The following ARHGAP15 variants were observed in gnomAD, a reference collection of about 807,000 sequenced individuals.
ARHGAP15 encodes the protein rho GTPase-activating protein 15.
Under a neutral mutation model 63.7 loss-of-function variants are expected in ARHGAP15, and 51 were observed. That is an observed-to-expected ratio of 0.80 (90% CI 0.64 to 1.01). The LOEUF is 1.01. Among genes scored for constraint, ARHGAP15 ranks in the 50% least tolerant of loss-of-function variants. ARHGAP15 has a pLI of 0.00. For synonymous variants in ARHGAP15, 191 were observed against 193.8 expected, an observed-to-expected ratio of 0.99 and a Z score of 0.12; for missense variants, 560 against 564.6, an observed-to-expected ratio of 0.99 and a Z score of 0.08.
intron 6 of ARHGAP15, among the ~76,000 whole-genome samples, chr2:143,377,633 T>A (rs1373240611): frequency 2.0e-5 from 3 of 152,010 alleles, no homozygotes; most frequent in Admixed American, 6.6e-5. Context: ...TTAATTTCTA[T>A]GAAGTTTATA....
intron 2 of ARHGAP15, among the ~76,000 whole-genome samples, chr2:143,199,969 A>G (rs1558809329): frequency 6.6e-6 from 1 of 152,134 alleles, no homozygotes; most frequent in African/African-American, 2.4e-5. Context: ...CACTTTCCCT[A>G]CCACGTCCAA....
intron 6 of ARHGAP15, among the ~76,000 whole-genome samples, chr2:143,277,572 C>A (rs916541228): frequency 6.6e-6 from 1 of 151,782 alleles, no homozygotes; most frequent in Non-Finnish European, 1.5e-5. Context: ...GACTGTACTG[C>A]CCTGCTTTGT....
chr2:143,546,012 C>T lies in ARHGAP15; in HGVS notation c.926-10396C>T, dbSNP rs77710756. 7.4e-3 allele frequency among the ~76,000 whole-genome samples: 1,120 copies of T among 152,282 alleles called. 15 individuals are homozygous for T. The highest frequency in any genetic ancestry group is 0.025 in the African/African-American group (1,043 of 41,564). ...CTGAAAGGCTAGAACAGCTTTGTTTCTGATCCCTTGATGAGTGAGAGAAAT... is the reference window on the plus strand; with the variant it reads ...CTGAAAGGCTAGAACAGCTTTGTTTTTGATCCCTTGATGAGTGAGAGAAAT... On this transcript the variant is annotated intron_variant, in intron 10 of 13. Transcript: ENST00000295095.
At chr2:143,513,883 C>T (rs34812477) in intron 9 of ARHGAP15, among the ~76,000 whole-genome samples, 71,850 of 151,908 alleles carry the variant, frequency 0.47, 17,356 homozygotes, top group East Asian at 0.78. Context: ...CCTCCCTCCC[C>T]CAAGAGCCTA....
intron 11 of ARHGAP15, among the ~76,000 whole-genome samples, chr2:143,610,307 T>C (rs1445666392): frequency 6.6e-6 from 1 of 152,194 alleles, no homozygotes; most frequent in African/African-American, 2.4e-5. Context: ...GCTCTACCAC[T>C]TAAAAATAGC....
chr2:143,230,145 G>A (rs1472499443), intron 5 of ARHGAP15, among the ~76,000 whole-genome samples: 1 of 152,160 alleles, frequency 6.6e-6, no homozygotes, highest in Admixed American at 6.5e-5. Flanking sequence ...GGGAAGTCAG[G>A]AGGGGAGGAA....
chr2:143,719,959 T>TA (rs1242382187), intron 13 of ARHGAP15, among the ~76,000 whole-genome samples: 2 of 152,318 alleles, frequency 1.3e-5, no homozygotes, highest in East Asian at 3.9e-4. Context: ...TTCCCACACA[T>TA]ACACCCTATA....
chr2:143,639,186 A>G (rs904328818), intron 12 of ARHGAP15, among the ~76,000 whole-genome samples: 49 of 152,276 alleles, frequency 3.2e-4, no homozygotes, highest in African/African-American at 1.1e-3. Context: ...TAGTTCAGAT[A>G]AAGACTTTAT....
At chr2:143,379,815 G>A (rs948696039) in intron 6 of ARHGAP15, among the ~76,000 whole-genome samples, 1 of 151,412 alleles carries the variant, frequency 6.6e-6, no homozygotes, top group African/African-American at 2.4e-5. Flanking sequence ...CAAAGAAAAA[G>A]TAAAGGAAAC....
intron 11 of ARHGAP15, among the ~76,000 whole-genome samples, chr2:143,612,662 C>T (rs913717263): frequency 6.6e-6 from 1 of 152,180 alleles, no homozygotes; most frequent in African/African-American, 2.4e-5. Flanking sequence ...ACAGGGCAGA[C>T]CTGGGCAAAG....
intron 6 of ARHGAP15, among the ~76,000 whole-genome samples, chr2:143,403,046 G>A (rs531441309): frequency 1.3e-5 from 2 of 151,774 alleles, no homozygotes; most frequent in Non-Finnish European, 2.9e-5. Flanking sequence ...TTAGTAAAAT[G>A]CTAAGCTATA....
intron 11 of ARHGAP15, among the ~76,000 whole-genome samples, chr2:143,563,201 A>G (rs1296853614): frequency 1.3e-5 from 2 of 152,224 alleles, no homozygotes; most frequent in Non-Finnish European, 2.9e-5. Flanking sequence ...AAATGTGAGG[A>G]CTTTAAAAAG....
At chr2:143,708,992 C>T (rs1311158672) in intron 13 of ARHGAP15, among the ~76,000 whole-genome samples, 1 of 152,154 alleles carries the variant, frequency 6.6e-6, no homozygotes, top group East Asian at 1.9e-4. Flanking sequence ...TACATATTCA[C>T]CTGGAATCTT....
At chr2:143,537,353 C>A (rs1193394754) in intron 10 of ARHGAP15, among the ~76,000 whole-genome samples, 5 of 152,032 alleles carry the variant, frequency 3.3e-5, no homozygotes, top group Non-Finnish European at 5.9e-5. Flanking sequence ...ATGGTGGTTT[C>A]TTTTGCTGTG....
intron 6 of ARHGAP15, among the ~76,000 whole-genome samples, chr2:143,295,160 T>C (rs1279348970): frequency 6.6e-6 from 1 of 152,048 alleles, no homozygotes; most frequent in Admixed American, 6.6e-5. Flanking sequence ...ATCAGATTAT[T>C]TTATCTTCCA....
chr2:143,140,661 G>T lies in ARHGAP15; in HGVS notation c.-15+11195G>T, dbSNP rs553588879. ...GAGTATAGATTGCTAACCCAGTAAA[G>T]AAGTCTTTTGTCTTTTTTTTTCTTC... On this transcript the variant is annotated intron_variant, in intron 1 of 13. Coordinates refer to ENST00000295095, the MANE Select transcript of ARHGAP15 (RefSeq NM_018460.4). Among the ~76,000 whole-genome samples, 96 of 152,218 alleles carry T rather than the reference G, an allele frequency of 6.3e-4. 1 individual carries two copies. Among genetic ancestry groups the T allele is most frequent in the African/African-American group, 2.2e-3 (91 of 41,568 alleles).
chr2:143,498,239 A>G (rs1048891050), intron 9 of ARHGAP15, among the ~76,000 whole-genome samples: 1 of 152,142 alleles, frequency 6.6e-6, no homozygotes, highest in African/African-American at 2.4e-5. Flanking sequence ...TGGACTTCTT[A>G]CCCCACCTGA....
chr2:143,337,748 A>T (rs1307794262), intron 6 of ARHGAP15, among the ~76,000 whole-genome samples: 1 of 152,200 alleles, frequency 6.6e-6, no homozygotes, highest in East Asian at 1.9e-4. Flanking sequence ...ATAAAAAAAA[A>T]GTGGAAGGTG....
At chr2:143,708,008 T>C (rs1172791071) in intron 13 of ARHGAP15, among the ~76,000 whole-genome samples, 2 of 152,196 alleles carry the variant, frequency 1.3e-5, no homozygotes, top group Non-Finnish European at 2.9e-5. Context: ...TACCCCCTAA[T>C]AATGGTATAG....
Sources: gnomAD v4.1 joint callset for allele counts (sites outside exome capture counted in the v4.1 genomes callset) on GRCh38, gnomAD v4.1.1 for gene constraint, MANE v1.5 for transcripts, NCBI Gene and HGNC (gene_info 2026-07-23, HGNC 2026-07-21) for gene names.